The following GABBR2 variants were observed in gnomAD, a reference collection of about 807,000 sequenced individuals.
GABBR2 encodes gamma-aminobutyric acid type B receptor subunit 2, also known as G-protein coupled receptor 51.
In GABBR2, 23 loss-of-function variants were observed where a neutral mutation model predicts 105.6. The ratio of observed to expected loss-of-function variants is 0.22; its 90% CI spans 0.16 to 0.31. The LOEUF (loss-of-function observed/expected upper bound fraction) is 0.31, where lower values mean the gene tolerates loss of function less well. GABBR2 is among the 10% of genes least tolerant of loss of function. The pLI is 1.00. For synonymous variants in GABBR2, 478 were observed against 499.7 expected (o/e 0.96, Z 0.58); for missense variants, 734 against 1,245.5 (o/e 0.59, Z 6.18).
At chr9:98,441,812 ATTTTATACATATTT>A (rs1034759593) in intron 7 of GABBR2, among the ~76,000 whole-genome samples, 9 of 152,230 alleles carry the variant, frequency 5.9e-5, no homozygotes, top group African/African-American at 2.2e-4. Flanking sequence ...AGTAAACATT[ATTTTATACATATTT>A]TATCACAATT....
At chr9:98,529,238 A>G (rs1828019053) in intron 3 of GABBR2, among the ~76,000 whole-genome samples, 1 of 152,240 alleles carries the variant, frequency 6.6e-6, no homozygotes, top group African/African-American at 2.4e-5. Context: ...TTGTTGGAAT[A>G]TAGGAAGAAA....
chr9:98,538,610 C>T (rs1228896162), intron 3 of GABBR2: 3 of 984,572 alleles, frequency 3.0e-6, no homozygotes, highest in East Asian at 1.1e-4. Context: ...TGGCCCTCAG[C>T]CTTCTACCCG....
At chr9:98,455,772 T>A (rs1826315475) in intron 6 of GABBR2, among the ~76,000 whole-genome samples, 1 of 152,208 alleles carries the variant, frequency 6.6e-6, no homozygotes, top group Non-Finnish European at 1.5e-5. Context: ...AGAAGCCAAG[T>A]CTCTTGTGGG....
Position 98,306,379 on chromosome 9 carries a change from G to A in GABBR2, c.2005-34C>T, listed in dbSNP as rs778991554. On this transcript the variant is annotated intron_variant, in intron 14 of 18. Coordinates refer to ENST00000259455, the MANE Select transcript of GABBR2 (RefSeq NM_005458.8). This position sits in a 1 kb window ranked among gnomAD's most constrained non-coding sequence, Gnocchi z 5.4. ...GTGAACAGAAAGGGGAGAGATGATC[G>A]TTACCAAGGGGTGGCACACACAGGC... 26 of 1,435,370 alleles carry A rather than the reference G, an allele frequency of 1.8e-5. No homozygotes were observed. The highest frequency in any genetic ancestry group is 2.3e-5 in the South Asian group (2 of 85,970). 88.9% of individuals were successfully genotyped at this position (1,435,370 alleles called of 1,614,324 possible).
At chr9:98,392,431 G>A (rs1256831030) in intron 9 of GABBR2, among the ~76,000 whole-genome samples, 1 of 152,224 alleles carries the variant, frequency 6.6e-6, no homozygotes, top group Non-Finnish European at 1.5e-5. Flanking sequence ...GTGTGAATCT[G>A]GGGTGTCACC....
At chr9:98,361,813 G>A (rs1275837392) in intron 13 of GABBR2, among the ~76,000 whole-genome samples, 1 of 152,170 alleles carries the variant, frequency 6.6e-6, no homozygotes, top group Non-Finnish European at 1.5e-5. Flanking sequence ...CTGAATGCAT[G>A]CATAACTTCT....
At chr9:98,583,636 C>T (rs748384759) in intron 1 of GABBR2, among the ~76,000 whole-genome samples, 1 of 152,192 alleles carries the variant, frequency 6.6e-6, no homozygotes, top group Non-Finnish European at 1.5e-5. Context: ...GGCATATACG[C>T]TATAGGCTAC....
At chr9:98,320,115 T>C (rs1250154772) in intron 13 of GABBR2, among the ~76,000 whole-genome samples, 1 of 151,294 alleles carries the variant, frequency 6.6e-6, no homozygotes, top group East Asian at 1.9e-4. Context: ...TACAATGAAC[T>C]CAAACAAATT....
At chr9:98,603,308 T>C (rs1272682482) in intron 1 of GABBR2, among the ~76,000 whole-genome samples, 2 of 152,204 alleles carry the variant, frequency 1.3e-5, no homozygotes, top group African/African-American at 4.8e-5. Context: ...GTGGACATTC[T>C]CAGGCAAAGG....
At chr9:98,409,012 T>G (rs751636185) in intron 7 of GABBR2, among the ~76,000 whole-genome samples, 29 of 152,208 alleles carry the variant, frequency 1.9e-4, no homozygotes, top group Non-Finnish European at 3.4e-4. Context: ...ATAAGAAAGC[T>G]GAGACCTATC....
intron 9 of GABBR2, among the ~76,000 whole-genome samples, 154 bp downstream of exon 9, chr9:98,394,021 G>C (rs780796648): frequency 1.3e-5 from 2 of 152,182 alleles, no homozygotes; most frequent in South Asian, 2.1e-4. Flanking sequence ...CAAGTGATTG[G>C]AGCCCTGTGC....
Position 98,602,167 on chromosome 9 carries a change from AT to A in GABBR2, c.322-24096del, listed in dbSNP as rs56712617. 5.6e-3 allele frequency among the ~76,000 whole-genome samples: 812 copies of A among 145,230 alleles called. 3 individuals carry two copies. Among genetic ancestry groups the A allele is most frequent in the African/African-American group, 0.015 (593 of 39,618 alleles). On this transcript the variant is annotated intron_variant, in intron 1 of 18. Transcript: ENST00000259455. ...AGGCTTGCACCACCATGCCTGGTTA[AT>A]TTTTTTTTTTTTTAATTGTTGGTGG... is the stretch of plus-strand genomic sequence containing the variant.
intron 1 of GABBR2, among the ~76,000 whole-genome samples, chr9:98,700,950 G>T (rs1481814912): frequency 6.6e-6 from 1 of 152,114 alleles, no homozygotes; most frequent in African/African-American, 2.4e-5. Flanking sequence ...ACTTTGTGTG[G>T]GCAATAAATA....
intron 3 of GABBR2, among the ~76,000 whole-genome samples, chr9:98,540,774 C>T (rs1371340115): frequency 6.6e-6 from 1 of 152,140 alleles, no homozygotes; most frequent in Non-Finnish European, 1.5e-5. Flanking sequence ...GTATCAAAAG[C>T]ACACATGGGA....
At chr9:98,312,496 A>G (rs1337882430) in intron 13 of GABBR2, among the ~76,000 whole-genome samples, 2 of 152,362 alleles carry the variant, frequency 1.3e-5, no homozygotes, top group East Asian at 3.9e-4. Context: ...TCTGTCAGAC[A>G]TCCATTTCAA....
intron 13 of GABBR2, among the ~76,000 whole-genome samples, chr9:98,328,400 G>A (rs1334344524): frequency 8.5e-5 from 13 of 152,154 alleles, no homozygotes; most frequent in South Asian, 2.1e-4. Context: ...ATGATTGTGC[G>A]ACTAATTGAA....
chr9:98,349,349 GT>G (rs1182072320), intron 13 of GABBR2, among the ~76,000 whole-genome samples: 5 of 24,236 alleles, frequency 2.1e-4, no homozygotes, highest in African/African-American at 7.4e-4. Flanking sequence ...TTGAAGTTTT[GT>G]TTTTTTTTTT....
intron 3 of GABBR2, among the ~76,000 whole-genome samples, chr9:98,525,517 T>G (rs1827940536): frequency 6.6e-6 from 1 of 152,230 alleles, no homozygotes; most frequent in Admixed American, 6.5e-5. Flanking sequence ...AACAAGTGTT[T>G]GCAAGGATGT....
At chr9:98,690,514 G>A (rs931001159) in intron 1 of GABBR2, among the ~76,000 whole-genome samples, 1 of 152,140 alleles carries the variant, frequency 6.6e-6, no homozygotes, top group Non-Finnish European at 1.5e-5. Context: ...GTGTAGAGAA[G>A]GAATAGCCCG....
Sources: allele counts gnomAD v4.1 joint callset (sites outside exome capture counted in the v4.1 genomes callset), GRCh38; gene constraint gnomAD v4.1.1; non-coding constraint Gnocchi (gnomAD v3.1); transcripts MANE v1.5; gene names NCBI Gene and HGNC (gene_info 2026-07-23, HGNC 2026-07-21).